The following SUGCT variants were observed in gnomAD, a reference collection of about 807,000 sequenced individuals.
SUGCT encodes succinyl-CoA:glutarate CoA-transferase.
In SUGCT, 41 loss-of-function variants were observed where a neutral mutation model predicts 55.0. The observed-to-expected ratio is 0.74, with a 90% confidence interval of 0.58 to 0.97. The LOEUF (loss-of-function observed/expected upper bound fraction) is 0.97. Among genes scored for constraint, SUGCT ranks in the 50% least tolerant of loss-of-function variants. The pLI, the probability that SUGCT is intolerant of heterozygous loss-of-function variation, is 0.00. For missense variants in SUGCT, 568 were observed against 547.8 expected (o/e 1.04, Z -0.37); for synonymous variants, 187 against 200.4 (o/e 0.93, Z 0.56).
chr7:40,705,907 G>A (rs1009734713), intron 12 of SUGCT, among the ~76,000 whole-genome samples: 13 of 152,050 alleles, frequency 8.5e-5, no homozygotes, highest in African/African-American at 3.1e-4. Flanking sequence ...CCATAAAACC[G>A]GGTTCCCTCA....
intron 12 of SUGCT, among the ~76,000 whole-genome samples, chr7:40,655,951 A>T (rs1562928852): frequency 6.6e-6 from 1 of 152,216 alleles, no homozygotes; most frequent in Non-Finnish European, 1.5e-5. Context: ...GCCTTTGGAA[A>T]AATAAGTTGT....
At chr7:40,886,463 G>C in the SUGCT span, among the ~76,000 whole-genome samples, 24 of 152,256 alleles carry the variant, frequency 1.6e-4, no homozygotes, top group East Asian at 4.3e-3. Flanking sequence ...TTGAAGGAGA[G>C]TGTGGCTTCC....
At chr7:40,593,552 C>T (rs982071676) in intron 12 of SUGCT, among the ~76,000 whole-genome samples, 5 of 152,106 alleles carry the variant, frequency 3.3e-5, no homozygotes, top group African/African-American at 1.2e-4. Context: ...TAAAATATAT[C>T]AGTATGGGCC....
At chr7:40,405,938 C>T (rs1786346044) in intron 9 of SUGCT, among the ~76,000 whole-genome samples, 1 of 152,060 alleles carries the variant, frequency 6.6e-6, no homozygotes, top group Non-Finnish European at 1.5e-5. Flanking sequence ...TTGTCTGCTG[C>T]CCAGATAGAG....
At chr7:40,619,211 G>A (rs1799152045) in intron 12 of SUGCT, among the ~76,000 whole-genome samples, 1 of 152,142 alleles carries the variant, frequency 6.6e-6, no homozygotes, top group Admixed American at 6.6e-5. Flanking sequence ...CAGGCCTCTT[G>A]CAATCCCATT....
chr7:40,529,282 G>T (rs1793962747), intron 12 of SUGCT, among the ~76,000 whole-genome samples: 1 of 152,160 alleles, frequency 6.6e-6, no homozygotes, highest in Non-Finnish European at 1.5e-5. Context: ...TATGACATTG[G>T]GGTGGCTAAT....
At chr7:40,501,518 T>C (rs572220284) in intron 12 of SUGCT, among the ~76,000 whole-genome samples, 115 of 152,302 alleles carry the variant, frequency 7.6e-4, no homozygotes, top group African/African-American at 2.6e-3. Context: ...CTTTTTCTTC[T>C]ATATACCTAC....
At chr7:40,427,723 AGCAAGAATAG>A (rs1367929018) in intron 9 of SUGCT, among the ~76,000 whole-genome samples, 1 of 152,122 alleles carries the variant, frequency 6.6e-6, no homozygotes, top group Non-Finnish European at 1.5e-5. Context: ...ATTCCTATGG[AGCAAGAATAG>A]GCAGAGAGGC....
chr7:40,347,254 C>T (rs578068644), intron 9 of SUGCT, among the ~76,000 whole-genome samples: 1 of 152,294 alleles, frequency 6.6e-6, no homozygotes, highest in East Asian at 1.9e-4. Context: ...TAGATAATCT[C>T]GAACTGAATG....
At chr7:40,563,102 A>ACAG (rs1795930491) in intron 12 of SUGCT, among the ~76,000 whole-genome samples, 1 of 152,122 alleles carries the variant, frequency 6.6e-6, no homozygotes, top group Non-Finnish European at 1.5e-5. Context: ...ATGCACCTGA[A>ACAG]GCGCTCTATG....
chr7:40,893,371 A>G, the SUGCT span, among the ~76,000 whole-genome samples: 1 of 152,278 alleles, frequency 6.6e-6, no homozygotes, highest in African/African-American at 2.4e-5. Context: ...ATCTATCAGG[A>G]GCAGAATACA....
the SUGCT span, among the ~76,000 whole-genome samples, chr7:41,006,698 G>C: frequency 6.6e-6 from 1 of 152,176 alleles, no homozygotes; most frequent in Non-Finnish European, 1.5e-5. Flanking sequence ...CAACGATAAA[G>C]ACTTCCAGAT....
intron 9 of SUGCT, among the ~76,000 whole-genome samples, chr7:40,418,335 C>G (rs1012391830): frequency 6.6e-6 from 1 of 152,112 alleles, no homozygotes; most frequent in Non-Finnish European, 1.5e-5. Context: ...CTCTGCTTCT[C>G]CTTGGTTGGG....
chr7:40,179,342 G>A (rs1023832852), intron 1 of SUGCT, among the ~76,000 whole-genome samples: 3 of 151,832 alleles, frequency 2.0e-5, no homozygotes, highest in Non-Finnish European at 2.9e-5. Context: ...TGCCCAGGCT[G>A]GAGTGCAATG....
intron 9 of SUGCT, among the ~76,000 whole-genome samples, chr7:40,349,636 C>T (rs1303940635): frequency 6.6e-6 from 1 of 151,476 alleles, no homozygotes; most frequent in Non-Finnish European, 1.5e-5. Flanking sequence ...TTGCTCCTCA[C>T]CTGGTATACC....
intron 9 of SUGCT, among the ~76,000 whole-genome samples, chr7:40,394,907 A>G (rs1785638439): frequency 6.6e-6 from 1 of 152,264 alleles, no homozygotes; most frequent in Non-Finnish European, 1.5e-5. Flanking sequence ...TTGTTTATAC[A>G]TACAACACAT....
intron 12 of SUGCT, among the ~76,000 whole-genome samples, chr7:40,662,667 C>T (rs538072759): frequency 2.6e-5 from 4 of 152,308 alleles, no homozygotes; most frequent in African/African-American, 9.6e-5. Context: ...GGTCTCATTT[C>T]ATATACTGCC....
At chr7:40,588,095 G>T (rs1797495303) in intron 12 of SUGCT, among the ~76,000 whole-genome samples, 1 of 151,676 alleles carries the variant, frequency 6.6e-6, no homozygotes, top group Non-Finnish European at 1.5e-5. Flanking sequence ...TAGAGACAGG[G>T]TTTCACCAAT....
chr7:40,296,464 G>A (rs1052625499), intron 8 of SUGCT, among the ~76,000 whole-genome samples: 8 of 152,182 alleles, frequency 5.3e-5, no homozygotes, highest in Admixed American at 3.9e-4. Flanking sequence ...GTAATAGCAC[G>A]TGTTACTTGT....
Sources: gnomAD v4.1 joint callset for allele counts (sites outside exome capture counted in the v4.1 genomes callset) on GRCh38, gnomAD v4.1.1 for gene constraint, MANE v1.5 for transcripts, NCBI Gene and HGNC (gene_info 2026-07-23, HGNC 2026-07-21) for gene names.